The following MARCHF1 variants were observed in gnomAD, a reference collection of about 807,000 sequenced individuals.
MARCHF1 encodes the protein membrane associated ring-CH-type finger 1.
Under a neutral mutation model 54.2 loss-of-function variants are expected in MARCHF1, and 40 were observed. The ratio of observed to expected loss-of-function variants is 0.74; its 90% CI spans 0.57 to 0.96. MARCHF1 has a LOEUF of 0.96. Ranked by LOEUF, MARCHF1 falls within the 40% of genes least tolerant of loss-of-function variation. MARCHF1 has a pLI of 0.00. For synonymous variants in MARCHF1, 236 were observed against 236.3 expected (o/e 1.00, Z 0.01); for missense variants, 586 against 656.5 (o/e 0.89, Z 1.17).
chr4:164,198,111 G>C (rs574848368), intron 1 of MARCHF1, among the ~76,000 whole-genome samples: 1 of 152,302 alleles, frequency 6.6e-6, no homozygotes, highest in East Asian at 1.9e-4. Flanking sequence ...AAAGTAACCT[G>C]AGAATATGCA....
chr4:163,854,057 T>C lies in MARCHF1; in HGVS notation c.75A>G (p.Ser25=), dbSNP rs1749705557. The change falls in exon 4 of 10, where the codon TCA becomes TCG. Residue 25 remains serine, a synonymous_variant. Transcript: ENST00000514618. ...IPNNTRTPEI[S]GDLADASQTS... ...TTTGTGAGGCGTCAGCCAAATCCCC[T>C]GAGATCTCGGGTGTTCGCGTGTTGT... 2 of 1,536,212 alleles carry C rather than the reference T, an allele frequency of 1.3e-6. No homozygotes were observed. The highest frequency in any genetic ancestry group is 1.7e-4 in the Middle Eastern group (1 of 5,990).
At chr4:163,800,548 A>G (rs1748053510) in intron 4 of MARCHF1, among the ~76,000 whole-genome samples, 1 of 151,984 alleles carries the variant, frequency 6.6e-6, no homozygotes, top group African/African-American at 2.4e-5. Flanking sequence ...TCCTCTCTGT[A>G]TATTTAAACA....
intron 5 of MARCHF1, among the ~76,000 whole-genome samples, chr4:163,666,898 C>A (rs1426379539): frequency 6.6e-6 from 1 of 151,972 alleles, no homozygotes; most frequent in Non-Finnish European, 1.5e-5. Flanking sequence ...TTGTGTTATG[C>A]GTGGACTCTG....
chr4:163,962,844 G>C (rs1219711350), intron 3 of MARCHF1, among the ~76,000 whole-genome samples: 4 of 151,664 alleles, frequency 2.6e-5, no homozygotes, highest in Non-Finnish European at 5.9e-5. Context: ...TTAGAGCATA[G>C]AGTTTTATTT....
At chr4:164,351,610 G>A (rs893501470) in intron 1 of MARCHF1, among the ~76,000 whole-genome samples, 8 of 152,166 alleles carry the variant, frequency 5.3e-5, no homozygotes, top group African/African-American at 1.7e-4. Context: ...AAACCCATCT[G>A]TACATCACCA....
chr4:164,046,095 G>A (rs570111774), intron 2 of MARCHF1, among the ~76,000 whole-genome samples: 2 of 152,288 alleles, frequency 1.3e-5, no homozygotes, highest in South Asian at 4.1e-4. Context: ...AGTTTTCATA[G>A]AACGAAGCAA....
At chr4:163,999,242 A>C (rs1213044359) in intron 2 of MARCHF1, among the ~76,000 whole-genome samples, 2 of 151,618 alleles carry the variant, frequency 1.3e-5, no homozygotes, top group Non-Finnish European at 3.0e-5. Flanking sequence ...GTTAAAAAAA[A>C]CCGACAAAAA....
At chr4:164,344,043 C>T (rs1212484363) in intron 1 of MARCHF1, among the ~76,000 whole-genome samples, 1 of 152,096 alleles carries the variant, frequency 6.6e-6, no homozygotes, top group Non-Finnish European at 1.5e-5. Context: ...ACTATGCAGC[C>T]ATAAGAAAGA....
chr4:163,794,308 A>G lies in MARCHF1; in HGVS notation c.111+59713T>C, dbSNP rs189017202. The stretch of plus-strand genomic sequence containing the variant: ...ATAATCCCTCTTGGCTGAATTCTCA[A>G]GTTTTATTTTCTAAAATATTGCTGT... On this transcript the variant is annotated intron_variant, in intron 4 of 9. Transcript: ENST00000514618. Among the ~76,000 whole-genome samples the G allele has an allele frequency of 4.9e-3, 746 of 152,242 alleles. 4 individuals are homozygous for G. The highest frequency in any genetic ancestry group is 7.4e-3 in the Non-Finnish European group (500 of 68,010).
At chr4:164,120,352 T>G (rs62350024) in intron 1 of MARCHF1, among the ~76,000 whole-genome samples, 3,201 of 152,178 alleles carry the variant, frequency 0.021, 64 homozygotes, top group South Asian at 0.063. Context: ...TTATTAGAGC[T>G]AAAGAGAGAG....
chr4:164,259,265 G>A (rs11943022), intron 1 of MARCHF1, among the ~76,000 whole-genome samples: 124,039 of 151,942 alleles, frequency 0.82, 51,074 homozygotes, highest in South Asian at 0.89. Context: ...CAACTGGGCC[G>A]GGCGTGGTGG....
chr4:163,928,425 A>G (rs1751585369), intron 3 of MARCHF1, among the ~76,000 whole-genome samples: 1 of 151,962 alleles, frequency 6.6e-6, no homozygotes, highest in Non-Finnish European at 1.5e-5. Context: ...GCGTGGTGGC[A>G]GAGGACTCTT....
chr4:163,716,748 A>G (rs999627988), intron 4 of MARCHF1, among the ~76,000 whole-genome samples: 16 of 152,202 alleles, frequency 1.1e-4, no homozygotes, highest in Non-Finnish European at 1.9e-4. Flanking sequence ...AACAATCAAA[A>G]TGCACACAGA....
At chr4:163,720,619 A>T (rs1745419910) in intron 4 of MARCHF1, among the ~76,000 whole-genome samples, 1 of 152,194 alleles carries the variant, frequency 6.6e-6, no homozygotes. Context: ...TACCTTGGGC[A>T]GTATGGCCAT....
Position 164,377,095 on chromosome 4 carries a change from TAGTC to T in MARCHF1, c.-323+6771_-323+6774del, listed in dbSNP as rs374855373. Among the ~76,000 whole-genome samples, 38 of 152,292 alleles carry T rather than the reference TAGTC, an allele frequency of 2.5e-4. 4 individuals are homozygous for T. In the East Asian group the frequency reaches 3.7e-3, roughly 15 times the overall value. The stretch of plus-strand genomic sequence containing the variant: ...CGACTTCCAATCATTGTGTCCCAAA[TAGTC>T]AGTGATTTCTGGAATATGTTATCTG... On this transcript the variant is annotated intron_variant, in intron 1 of 9. Transcript: ENST00000514618.
intron 4 of MARCHF1, among the ~76,000 whole-genome samples, chr4:163,718,690 T>C (rs1049097922): frequency 3.3e-5 from 5 of 152,198 alleles, no homozygotes; most frequent in Non-Finnish European, 5.9e-5. Flanking sequence ...GCCTTTTTTT[T>C]CCTTATACTT....
intron 1 of MARCHF1, among the ~76,000 whole-genome samples, chr4:164,361,649 G>A (rs943645570): frequency 7.2e-5 from 11 of 152,032 alleles, no homozygotes; most frequent in South Asian, 2.1e-4. Context: ...GAGTGATAAC[G>A]TATGCCAAAA....
chr4:164,331,851 C>T (rs1402178757), intron 1 of MARCHF1, among the ~76,000 whole-genome samples: 1 of 152,072 alleles, frequency 6.6e-6, no homozygotes, highest in Non-Finnish European at 1.5e-5. Flanking sequence ...CAAATATATA[C>T]AATAACAGAG....
intron 4 of MARCHF1, among the ~76,000 whole-genome samples, chr4:163,755,884 G>T (rs755417346): frequency 2.6e-5 from 4 of 152,128 alleles, no homozygotes; most frequent in Non-Finnish European, 4.4e-5. Flanking sequence ...GGAAGTAAGC[G>T]ATATTACCAA....
Sources: gnomAD v4.1 joint callset for allele counts (sites outside exome capture counted in the v4.1 genomes callset) on GRCh38, gnomAD v4.1.1 for gene constraint, MANE v1.5 for transcripts, NCBI Gene and HGNC (gene_info 2026-07-23, HGNC 2026-07-21) for gene names.